The following ZNF385B variants were observed in gnomAD, a reference collection of about 807,000 sequenced individuals.
ZNF385B encodes zinc finger protein 385B.
In ZNF385B, 23 loss-of-function variants were observed where a neutral mutation model predicts 39.2. The observed-to-expected ratio is 0.59, with a 90% confidence interval of 0.42 to 0.83. The LOEUF is 0.83. ZNF385B is among the 40% of genes least tolerant of loss of function. ZNF385B has a pLI of 0.00. For missense variants in ZNF385B, 552 were observed against 598.9 expected, an observed-to-expected ratio of 0.92 and a Z score of 0.82; for synonymous variants, 205 against 222.6, an observed-to-expected ratio of 0.92 and a Z score of 0.70.
rs549909810 is a variant in ZNF385B, at chr2:179,626,467, C to T, written c.299-81498G>A. On this transcript the variant is annotated intron_variant, in intron 3 of 9. Transcript: ENST00000410066. The stretch of plus-strand genomic sequence containing the variant: ...TAGATTTATGATTCATGCAACTCTT[C>T]CTTAGAGGGGAAAATACATCCTTAA... 9.2e-5 allele frequency among the ~76,000 whole-genome samples: 14 copies of T among 152,206 alleles called. No homozygotes were observed. The South Asian group carries it at 2.9e-3, about 32-fold the overall frequency.
intron 1 of ZNF385B, among the ~76,000 whole-genome samples, chr2:179,854,253 C>T (rs1321104132): frequency 6.6e-6 from 1 of 152,060 alleles, no homozygotes; most frequent in Non-Finnish European, 1.5e-5. Flanking sequence ...AGTGTTAATG[C>T]CAGAAGTTTT....
Position 179,547,416 on chromosome 2 carries a change from T to G in ZNF385B, c.299-2447A>C, listed in dbSNP as rs2060303183. 2.0e-5 allele frequency among the ~76,000 whole-genome samples: 3 copies of G among 149,796 alleles called. 1 individual carries two copies. In the South Asian group the frequency reaches 6.4e-4, roughly 32 times the overall value. On this transcript the variant is annotated intron_variant, in intron 3 of 9. Transcript: ENST00000410066. ...TATATGGTGACAGATAGGGGTCTAC[T>G]TTCATTCTTCTGCATATGGATATTC...
At chr2:179,583,499 A>T (rs974940835) in intron 3 of ZNF385B, among the ~76,000 whole-genome samples, 1 of 152,210 alleles carries the variant, frequency 6.6e-6, no homozygotes, top group Admixed American at 6.5e-5. Flanking sequence ...TATGCTTATT[A>T]GTTGAGAATA....
At chr2:179,739,310 G>A (rs17824301) in intron 3 of ZNF385B, among the ~76,000 whole-genome samples, 13,919 of 152,198 alleles carry the variant, frequency 0.091, 715 homozygotes, top group Non-Finnish European at 0.11. Flanking sequence ...GATCTGATGC[G>A]GTATATAGGC....
chr2:179,533,186 C>A (rs548101290), intron 4 of ZNF385B, among the ~76,000 whole-genome samples: 1 of 152,292 alleles, frequency 6.6e-6, no homozygotes, highest in Admixed American at 6.5e-5. Flanking sequence ...GCAGCACTCT[C>A]TGAAAACAAT....
chr2:179,747,144 T>C (rs1039670456), intron 3 of ZNF385B, among the ~76,000 whole-genome samples: 1 of 152,094 alleles, frequency 6.6e-6, no homozygotes, highest in Admixed American at 6.6e-5. Flanking sequence ...AGATGACACA[T>C]TTAGAAGTGT....
intron 3 of ZNF385B, among the ~76,000 whole-genome samples, chr2:179,581,367 T>A (rs1212955912): frequency 2.6e-5 from 4 of 152,246 alleles, no homozygotes; most frequent in Non-Finnish European, 4.4e-5. Context: ...TTCTGCAGCT[T>A]ATTTTCCTCA....
intron 6 of ZNF385B, among the ~76,000 whole-genome samples, chr2:179,472,780 G>A (rs2052929667): frequency 6.6e-6 from 1 of 152,080 alleles, no homozygotes; most frequent in South Asian, 2.1e-4. Context: ...TAGCCTTTTG[G>A]ATCTCAGTAG....
At chr2:179,759,192 C>T (rs1019710186) in intron 3 of ZNF385B, among the ~76,000 whole-genome samples, 2 of 152,108 alleles carry the variant, frequency 1.3e-5, no homozygotes, top group Admixed American at 6.6e-5. Flanking sequence ...ATTAGTTCTA[C>T]ATAGAGAACT....
At chr2:179,771,549 A>C (rs1406313724) in intron 1 of ZNF385B, among the ~76,000 whole-genome samples, 1 of 152,212 alleles carries the variant, frequency 6.6e-6, no homozygotes, top group Non-Finnish European at 1.5e-5. Context: ...CTATGCAGAA[A>C]TCAGGTTTAA....
chr2:179,809,087 C>T (rs543141386), intron 1 of ZNF385B, among the ~76,000 whole-genome samples: 151 of 152,218 alleles, frequency 9.9e-4, no homozygotes, highest in African/African-American at 3.3e-3. Flanking sequence ...ATGATTACTG[C>T]CTCTAGAATA....
At chr2:179,793,136 T>C (rs1386092903) in intron 1 of ZNF385B, among the ~76,000 whole-genome samples, 2 of 152,168 alleles carry the variant, frequency 1.3e-5, no homozygotes, top group African/African-American at 2.4e-5. Context: ...TTTCTTTGCA[T>C]ATGAGGAGAA....
At chr2:179,829,352 T>G (rs1051300528) in intron 1 of ZNF385B, among the ~76,000 whole-genome samples, 2 of 152,230 alleles carry the variant, frequency 1.3e-5, no homozygotes, top group Non-Finnish European at 2.9e-5. Flanking sequence ...CAACTGTACA[T>G]ACATATAGAA....
Position 179,783,512 on chromosome 2 carries a change from C to T in ZNF385B, c.-154-12840G>A, listed in dbSNP as rs145236809. Among the ~76,000 whole-genome samples the T allele has an allele frequency of 4.5e-4, 68 of 152,228 alleles. No individual in the cohort carries two copies. The East Asian group carries it at 0.012, about 26-fold the overall frequency. On this transcript the variant is annotated intron_variant, in intron 1 of 9. Transcript: ENST00000410066. ...CTAATTAAACTGAAGAGCTTCTGCACAGCAAAAGAAACTATCAACAGAGTA... is the reference window on the plus strand; with the variant it reads ...CTAATTAAACTGAAGAGCTTCTGCATAGCAAAAGAAACTATCAACAGAGTA...
intron 1 of ZNF385B, among the ~76,000 whole-genome samples, chr2:179,778,135 C>T (rs1704452083): frequency 6.6e-6 from 1 of 152,104 alleles, no homozygotes; most frequent in Non-Finnish European, 1.5e-5. Flanking sequence ...ATACGGTATA[C>T]CTCTAGCTAT....
chr2:179,726,435 G>A (rs1559134668), intron 3 of ZNF385B, among the ~76,000 whole-genome samples: 1 of 152,032 alleles, frequency 6.6e-6, no homozygotes, highest in Non-Finnish European at 1.5e-5. Context: ...CTAGCTGTAA[G>A]ACCTAGAGGC....
intron 3 of ZNF385B, among the ~76,000 whole-genome samples, chr2:179,644,060 T>C (rs1217604772): frequency 9.9e-5 from 15 of 152,020 alleles, no homozygotes; most frequent in Admixed American, 9.9e-4. Context: ...TCCCTGACGA[T>C]ACTAAAGTTT....
At chr2:179,720,174 C>G (rs1200719850) in intron 3 of ZNF385B, among the ~76,000 whole-genome samples, 1 of 152,034 alleles carries the variant, frequency 6.6e-6, no homozygotes, top group Non-Finnish European at 1.5e-5. Context: ...TGCCTTCTCT[C>G]AAAGGGTAAA....
At chr2:179,802,089 C>T (rs992612108) in intron 1 of ZNF385B, among the ~76,000 whole-genome samples, 3 of 152,062 alleles carry the variant, frequency 2.0e-5, no homozygotes, top group African/African-American at 4.8e-5. Flanking sequence ...AAAAAGCCTA[C>T]CCCAAATCCT....
Sources: allele counts gnomAD v4.1 joint callset (sites outside exome capture counted in the v4.1 genomes callset), GRCh38; gene constraint gnomAD v4.1.1; transcripts MANE v1.5; gene names NCBI Gene and HGNC (gene_info 2026-07-23, HGNC 2026-07-21).